NRG3: variants seen among roughly 807,000 people sequenced by gnomAD.
NRG3 encodes pro-neuregulin-3, membrane-bound isoform.
In NRG3, 31 loss-of-function variants were observed where a neutral mutation model predicts 66.9. The observed-to-expected ratio is 0.46, with a 90% CI of 0.35 to 0.63. The LOEUF (loss-of-function observed/expected upper bound fraction) is 0.63, where lower values mean the gene tolerates loss of function less well. NRG3 is among the 20% of genes least tolerant of loss of function. NRG3 has a pLI of 0.00. For synonymous variants in NRG3, 393 were observed against 359.4 expected, an observed-to-expected ratio of 1.09 and a Z score of -1.06; for missense variants, 910 against 878.9, an observed-to-expected ratio of 1.04 and a Z score of -0.45.
chr10:82,773,369 C>A (rs2059786148), intron 3 of NRG3, among the ~76,000 whole-genome samples: 1 of 152,068 alleles, frequency 6.6e-6, no homozygotes, highest in Non-Finnish European at 1.5e-5. Flanking sequence ...AAATGTTGGG[C>A]ATTGTTATGT....
At chr10:82,342,986 G>T (rs1417174014) in intron 1 of NRG3, among the ~76,000 whole-genome samples, 1 of 151,978 alleles carries the variant, frequency 6.6e-6, no homozygotes, top group Non-Finnish European at 1.5e-5. Context: ...GTCTGCATAT[G>T]GTTATCCAAT....
At chr10:82,294,457 G>GTGTGTGTGTGTT (rs2079937998) in intron 1 of NRG3, among the ~76,000 whole-genome samples, 1 of 151,534 alleles carries the variant, frequency 6.6e-6, no homozygotes, top group Non-Finnish European at 1.5e-5. Flanking sequence ...GTGTGTGTGT[G>GTGTGTGTGTGTT]TGTGTGTATG....
chr10:82,346,422 A>T (rs1449279040), intron 1 of NRG3, among the ~76,000 whole-genome samples: 2 of 140,050 alleles, frequency 1.4e-5, no homozygotes, highest in South Asian at 2.2e-4. Flanking sequence ...AGCCCACTTG[A>T]TCATGGTGGA....
chr10:82,534,513 C>T, intron 2 of NRG3, among the ~76,000 whole-genome samples: 1 of 152,098 alleles, frequency 6.6e-6, no homozygotes, highest in East Asian at 1.9e-4. Context: ...GATCCACCCA[C>T]CTCAGCCTCC....
At chr10:82,811,142 G>T (rs111581292) in intron 3 of NRG3, among the ~76,000 whole-genome samples, 2 of 151,960 alleles carry the variant, frequency 1.3e-5, no homozygotes, top group Admixed American at 1.3e-4. Context: ...ACATACAAAC[G>T]CCTGGCAATG....
chr10:82,231,907 A>C lies in NRG3; in HGVS notation c.824-126832A>C, dbSNP rs140914170. 1.5e-3 allele frequency among the ~76,000 whole-genome samples: 223 copies of C among 152,364 alleles called. 8 individuals are homozygous for C. The East Asian group carries it at 0.034, about 23-fold the overall frequency. ...GATTAATAGTTTCTGAATTAAGAACATTTAAAAAATATCTTTAAGAAACTG... is the reference window on the plus strand; with the variant it reads ...GATTAATAGTTTCTGAATTAAGAACCTTTAAAAAATATCTTTAAGAAACTG... On this transcript the variant is annotated intron_variant, in intron 1 of 8. Coordinates refer to ENST00000372141, the MANE Select transcript of NRG3 (RefSeq NM_001010848.4).
At position 81,875,480 on chromosome 10, in the gene NRG3, A is replaced by C. The variant is rs1475288899; in HGVS notation, c.140A>C (p.Glu47Ala). 7.5e-7 allele frequency: 1 copy of C among 1,342,180 alleles called. No individual in the cohort carries two copies. Among genetic ancestry groups the C allele is most frequent in the Non-Finnish European group, 9.6e-7 (1 of 1,037,830 alleles). 83.1% of individuals were successfully genotyped at this position (1,342,180 alleles called of 1,614,324 possible). Residue 47 changes from glutamate (E) to alanine (A), a missense_variant, in exon 1 of 9, where the codon GAG (glutamate) becomes GCG (alanine). Transcript: ENST00000372141. This position sits in a 1 kb window ranked among gnomAD's most constrained non-coding sequence, Gnocchi z 5.3. ...GACGGCGGCGGCGAAGGGGCGGCCG[A>C]GCCCCCCCGGGAGTTACGCTGTAGC... is the stretch of plus-strand genomic sequence containing the variant. ...GPDGGGEGAA[E>A]PPRELRCSDC...
At chr10:81,966,957 T>C (rs528418035) in intron 1 of NRG3, among the ~76,000 whole-genome samples, 1 of 143,756 alleles carries the variant, frequency 7.0e-6, no homozygotes, top group South Asian at 2.1e-4. Context: ...ATTTGTTCTC[T>C]CTCTTTATTG....
At chr10:82,984,013 A>G (rs1247925360) in intron 8 of NRG3, among the ~76,000 whole-genome samples, 1 of 152,262 alleles carries the variant, frequency 6.6e-6, no homozygotes, top group Non-Finnish European at 1.5e-5. Context: ...ATCTACATGT[A>G]TAAACATGAT....
At chr10:82,025,023 G>A (rs190802206) in intron 1 of NRG3, among the ~76,000 whole-genome samples, 1 of 152,056 alleles carries the variant, frequency 6.6e-6, no homozygotes, top group African/African-American at 2.4e-5. Flanking sequence ...TGATTTATAA[G>A]GATCTGATAA....
chr10:82,015,557 A>G (rs924314241), intron 1 of NRG3, among the ~76,000 whole-genome samples: 8 of 152,014 alleles, frequency 5.3e-5, no homozygotes, highest in African/African-American at 1.9e-4. Context: ...TTCTTGTGAC[A>G]TATGGTGAAT....
chr10:82,490,171 G>T (rs1842980007), intron 2 of NRG3, among the ~76,000 whole-genome samples: 1 of 152,186 alleles, frequency 6.6e-6, no homozygotes. Flanking sequence ...CAGCCAACTT[G>T]CTTCTTTGCT....
chr10:82,983,014 T>G (rs1472242425), intron 8 of NRG3, among the ~76,000 whole-genome samples: 5 of 152,216 alleles, frequency 3.3e-5, no homozygotes, highest in Non-Finnish European at 7.3e-5. Flanking sequence ...TCATGCCACA[T>G]AGTTGACTTG....
intron 1 of NRG3, among the ~76,000 whole-genome samples, chr10:81,883,897 A>C (rs1033117641): frequency 6.6e-6 from 1 of 152,180 alleles, no homozygotes. Flanking sequence ...GAAGGGGCTT[A>C]AGAATTTAAG....
At chr10:82,328,354 A>AT (rs2081975053) in intron 1 of NRG3, among the ~76,000 whole-genome samples, 1 of 152,218 alleles carries the variant, frequency 6.6e-6, no homozygotes, top group Non-Finnish European at 1.5e-5. Context: ...GGATTAAGGA[A>AT]TTTTTAAAAT....
intron 1 of NRG3, among the ~76,000 whole-genome samples, chr10:82,345,255 G>A (rs2082935800): frequency 7.3e-6 from 1 of 136,590 alleles, no homozygotes; most frequent in Admixed American, 7.0e-5. Flanking sequence ...GTGTAAGGAA[G>A]GGATCCAGTT....
chr10:81,995,687 A>G (rs561725473), intron 1 of NRG3, among the ~76,000 whole-genome samples: 40 of 152,256 alleles, frequency 2.6e-4, no homozygotes, highest in African/African-American at 9.1e-4. Flanking sequence ...ATTACTTCCT[A>G]TGAGTGTCTG....
At chr10:82,164,678 T>C (rs1166680708) in intron 1 of NRG3, among the ~76,000 whole-genome samples, 1 of 152,116 alleles carries the variant, frequency 6.6e-6, no homozygotes, top group East Asian at 1.9e-4. Context: ...AGTACTTGGC[T>C]GAAGGTTGGT....
At chr10:82,721,621 CG>C (rs2057328070) in intron 2 of NRG3, among the ~76,000 whole-genome samples, 1 of 151,952 alleles carries the variant, frequency 6.6e-6, no homozygotes, top group South Asian at 2.1e-4. Flanking sequence ...CGTGGTTTCA[CG>C]GTGTTGGTCA....
Sources: gnomAD v4.1 joint callset for allele counts (sites outside exome capture counted in the v4.1 genomes callset) on GRCh38, gnomAD v4.1.1 for gene constraint, Gnocchi (gnomAD v3.1) non-coding constraint, MANE v1.5 for transcripts, NCBI Gene and HGNC (gene_info 2026-07-23, HGNC 2026-07-21) for gene names.